Variants in QRSL1 observed in about 807,000 individuals in gnomAD.
QRSL1 encodes the protein glutaminyl-tRNA amidotransferase subunit QRSL1, also known as glutamyl-tRNA(Gln) amidotransferase subunit A, mitochondrial.
Under a neutral mutation model 61.6 loss-of-function variants are expected in QRSL1, and 54 were observed. The observed-to-expected ratio is 0.88, with a 90% CI of 0.70 to 1.10. The LOEUF is 1.10. Ranked by LOEUF, QRSL1 falls within the 50% of genes least tolerant of loss-of-function variation. The probability of loss-of-function intolerance (pLI) is 0.00; values close to 1 mark genes in which losing one functional copy is unlikely to be tolerated. For synonymous variants in QRSL1, 228 were observed against 225.7 expected, an observed-to-expected ratio of 1.01 and a Z score of -0.09; for missense variants, 505 against 622.6, an observed-to-expected ratio of 0.81 and a Z score of 2.01.
At chr6:106,642,611 C>T (rs1202756580) in intron 3 of QRSL1, 2 of 763,518 alleles carry the variant, frequency 2.6e-6, no homozygotes, top group East Asian at 4.9e-5. Flanking sequence ...AGGAATGCCC[C>T]ACAAGTGTTA....
At chr6:106,660,434 C>T (rs1260835852) in intron 9 of QRSL1, among the ~76,000 whole-genome samples, 4 of 151,808 alleles carry the variant, frequency 2.6e-5, no homozygotes, top group Admixed American at 6.6e-5. Context: ...GAATCCTACC[C>T]CCAGCCACCC....
intron 1 of QRSL1, among the ~76,000 whole-genome samples, chr6:106,631,978 C>A (rs1440940759): frequency 6.6e-6 from 1 of 152,166 alleles, no homozygotes; most frequent in Non-Finnish European, 1.5e-5. Flanking sequence ...CCTTTCAGGC[C>A]TCTAGTAACC....
chr6:106,630,791 G>A (rs1392820979), intron 1 of QRSL1, among the ~76,000 whole-genome samples: 1 of 152,088 alleles, frequency 6.6e-6, no homozygotes, highest in Non-Finnish European at 1.5e-5. Context: ...TTGTTTCCCA[G>A]CTGGCAGCGT....
chr6:106,663,066 A>T lies in QRSL1; in HGVS notation c.1247A>T (p.Asp416Val), dbSNP rs370767577. 2 of 1,612,388 alleles carry T rather than the reference A, an allele frequency of 1.2e-6. No individual in the cohort carries two copies. The highest frequency in any genetic ancestry group is 1.7e-6 in the Non-Finnish European group (2 of 1,178,504). Residue 416 changes from aspartate to valine, a missense_variant, in exon 10 of 11, where the codon GAT (aspartate) becomes GTT (valine). Transcript: ENST00000369046. ...DFVNAFNSGV[D>V]VLLTPTTLSE... is the part of the protein sequence containing the mutation. ...GTAAATGCTTTTAACTCTGGAGTAG[A>T]TGTCTTGCTAACTCCCACCACCTTG... is the stretch of plus-strand genomic sequence containing the variant.
Position 106,631,786 on chromosome 6 carries a change from G to A in QRSL1, c.24+2081G>A, listed in dbSNP as rs774607802. Among the ~76,000 whole-genome samples the A allele has an allele frequency of 3.5e-4, 54 of 152,258 alleles. 1 individual carries two copies. The highest frequency in any genetic ancestry group is 1.8e-3 in the Admixed American group (27 of 15,300). ...GTAAATGGTGTATCCATCACCTCAA[G>A]CATTTATCATTTCTTTGTGTTACAA... On this transcript the variant is annotated intron_variant, in intron 1 of 10. Transcript: ENST00000369046.
At chr6:106,659,805 G>C (rs1158624714) in intron 9 of QRSL1, among the ~76,000 whole-genome samples, 1 of 152,180 alleles carries the variant, frequency 6.6e-6, no homozygotes, top group South Asian at 2.1e-4. Flanking sequence ...GTGATGCTTT[G>C]ATGCTGCATA....
chr6:106,644,114 C>T (rs995768225), intron 4 of QRSL1, among the ~76,000 whole-genome samples: 1 of 152,044 alleles, frequency 6.6e-6, no homozygotes, highest in African/African-American at 2.4e-5. Context: ...TCAGATGATC[C>T]ACCTGCCTTG....
intron 1 of QRSL1, among the ~76,000 whole-genome samples, chr6:106,634,009 A>C (rs183840680): frequency 5.9e-5 from 9 of 152,238 alleles, no homozygotes; most frequent in Non-Finnish European, 1.3e-4. Flanking sequence ...GAGAAAAATT[A>C]AGTAGATCAT....
chr6:106,652,923 A>G, intron 7 of QRSL1: 2 of 596,748 alleles, frequency 3.4e-6, no homozygotes, highest in South Asian at 2.9e-5. Context: ...GAAAGCAGCC[A>G]CAGACAATAT....
intron 4 of QRSL1, among the ~76,000 whole-genome samples, chr6:106,644,412 C>T (rs1777075447): frequency 6.6e-6 from 1 of 152,204 alleles, no homozygotes; most frequent in East Asian, 1.9e-4. Flanking sequence ...CTGACCTCAT[C>T]CTTCCGAGCA....
intron 4 of QRSL1, among the ~76,000 whole-genome samples, chr6:106,645,782 C>T (rs1404246705): frequency 6.6e-6 from 1 of 152,174 alleles, no homozygotes; most frequent in Non-Finnish European, 1.5e-5. Context: ...ATTGCTAGTA[C>T]ATTGAAACAT....
rs1259078954 is a variant in QRSL1, at chr6:106,640,445, A to G, written c.121A>G (p.Ile41Val). 4 of 1,609,048 alleles carry G rather than the reference A, an allele frequency of 2.5e-6. No homozygotes were observed. Among genetic ancestry groups the G allele is most frequent in the East Asian group, 2.2e-5 (1 of 44,858 alleles). The change falls in exon 2 of 11, where the codon ATT becomes GTT. Residue 41 changes from isoleucine to valine, a missense_variant. Coordinates refer to ENST00000369046, the MANE Select transcript of QRSL1 (RefSeq NM_018292.5). ...GAAGACCAAGTTTCTAAATGCCTACATTACTGTGTCAGAAGAGGTGGCCTT... is the reference window on the plus strand; with the variant it reads ...GAAGACCAAGTTTCTAAATGCCTACGTTACTGTGTCAGAAGAGGTGGCCTT... ...IKKTKFLNAY[I>V]TVSEEVALKQ... is the part of the protein sequence containing the mutation.
At chr6:106,661,305 C>T (rs1159692612) in intron 9 of QRSL1, among the ~76,000 whole-genome samples, 3 of 151,924 alleles carry the variant, frequency 2.0e-5, no homozygotes, top group African/African-American at 7.3e-5. Context: ...TTAGTAGAGT[C>T]AGGATTTCAC....
chr6:106,642,933 T>A, intron 3 of QRSL1, 61 bp from the exon 4 acceptor site: 1 of 1,128,690 alleles, frequency 8.9e-7, no homozygotes, highest in Non-Finnish European at 1.3e-6. Flanking sequence ...GCATAATAGG[T>A]ATAAACAAAT....
Position 106,654,877 on chromosome 6 carries a change from T to A in QRSL1, c.997T>A (p.Ser333Thr). Reference sequence around the variant, plus strand: ...TGTCTGCTACCATGTATTGTGCACATCAGAAGTGGCATCGAATATGGCAAG... The same window carrying A: ...TGTCTGCTACCATGTATTGTGCACAACAGAAGTGGCATCGAATATGGCAAG... ...SIVCYHVLCT[S>T]EVASNMARFD... The change falls in exon 8 of 11, where the codon TCA becomes ACA. Residue 333 changes from serine to threonine, a missense_variant. Physicochemically the swap from Ser to Thr is moderately conservative, Grantham distance 58. Transcript: ENST00000369046. 2 of 1,611,246 alleles carry A rather than the reference T, an allele frequency of 1.2e-6. No individual in the cohort carries two copies. Among genetic ancestry groups the A allele is most frequent in the Non-Finnish European group, 1.7e-6 (2 of 1,179,172 alleles).
At chr6:106,639,135 T>TGTTTTG (rs1562165147) in intron 1 of QRSL1, among the ~76,000 whole-genome samples, 1 of 128,428 alleles carries the variant, frequency 7.8e-6, no homozygotes, top group Non-Finnish European at 1.7e-5. Flanking sequence ...TTTTTTTTTT[T>TGTTTTG]TTTTTTTTTT....
chr6:106,630,257 C>A (rs1171783268), intron 1 of QRSL1, among the ~76,000 whole-genome samples: 1 of 152,170 alleles, frequency 6.6e-6, no homozygotes, highest in African/African-American at 2.4e-5. Context: ...GGCAGTTCTT[C>A]TAAATGTCAC....
At chr6:106,629,826 GAGTGGGGGATA>G in intron 1 of QRSL1, 121 bp downstream of exon 1, 1 of 1,214,468 alleles carries the variant, frequency 8.2e-7, no homozygotes. Flanking sequence ...CTCTAGAACT[GAGTGGGGGATA>G]AGTACCTTTC....
At position 106,665,753 on chromosome 6, in the gene QRSL1, T is replaced by C. The variant is rs560244017; in HGVS notation, c.1367-29T>C. On this transcript the variant is annotated intron_variant, in intron 10 of 10. Coordinates refer to ENST00000369046, the MANE Select transcript of QRSL1 (RefSeq NM_018292.5). ...TCTGCTAATTAGGGTGGAGAATTAA[T>C]CACCTACTGGGTTTCCTTCTTTTCC... 9.5e-6 allele frequency: 15 copies of C among 1,581,106 alleles called. No individual in the cohort carries two copies. In the African/African-American group the frequency reaches 1.6e-4, roughly 17 times the overall value.
Sources: allele counts gnomAD v4.1 joint callset (sites outside exome capture counted in the v4.1 genomes callset), GRCh38; gene constraint gnomAD v4.1.1; transcripts MANE v1.5; gene names NCBI Gene and HGNC (gene_info 2026-07-23, HGNC 2026-07-21).